The following CHRNB2 variants were observed in gnomAD, a reference collection of about 807,000 sequenced individuals.
CHRNB2 encodes the protein cholinergic receptor nicotinic beta 2 subunit.
CHRNB2 carries 33 observed loss-of-function variants against 42.7 expected under a neutral mutation model. That is an observed-to-expected ratio of 0.77 (90% CI 0.59 to 1.03). The LOEUF (loss-of-function observed/expected upper bound fraction) is 1.03, where lower values mean the gene tolerates loss of function less well. Ranked by LOEUF, CHRNB2 falls within the 50% of genes least tolerant of loss-of-function variation. The pLI is 0.00. For synonymous variants in CHRNB2, 325 were observed against 292.9 expected, an observed-to-expected ratio of 1.11 and a Z score of -1.12; for missense variants, 603 against 700.9, an observed-to-expected ratio of 0.86 and a Z score of 1.58.
chr1:154,573,155 G>A (rs1023326158), intron 5 of CHRNB2, among the ~76,000 whole-genome samples: 1 of 152,190 alleles, frequency 6.6e-6, no homozygotes, highest in African/African-American at 2.4e-5. Context: ...GGACCAGGGA[G>A]CATACACTAG....
In CHRNB2 at chr1:154,576,175, G is replaced by C. The variant is rs200573025; in HGVS notation, c.*243G>C. Reference sequence around the variant, plus strand: ...ATCTCTTGTACCAGCCCAGGCAATAGTGTTGAGGAGGGGAGCAAGGCTGCT... The same window carrying C: ...ATCTCTTGTACCAGCCCAGGCAATACTGTTGAGGAGGGGAGCAAGGCTGCT... On this transcript the variant is annotated 3_prime_UTR_variant, in exon 6 of 6. Transcript: ENST00000368476. 171 of 564,408 alleles carry C rather than the reference G, an allele frequency of 3.0e-4. No individual in the cohort carries two copies. Among genetic ancestry groups the C allele is most frequent in the African/African-American group, 3.0e-3 (161 of 53,476 alleles). 35.0% of individuals were successfully genotyped at this position (564,408 alleles called of 1,614,324 possible).
chr1:154,570,529 C>T (rs568993584), intron 4 of CHRNB2, among the ~76,000 whole-genome samples, 162 bp downstream of exon 4: 2 of 152,152 alleles, frequency 1.3e-5, no homozygotes, highest in African/African-American at 2.4e-5. Flanking sequence ...TGAGGTACAG[C>T]GTGGACAGCC....
Position 154,571,668 on chromosome 1 carries a change from T to C in CHRNB2, c.845T>C (p.Leu282Pro). Residue 282 changes from leucine to proline, a missense_variant, in exon 5 of 6, where the codon CTC (leucine) becomes CCC (proline). Leu to Pro is a moderately conservative substitution (Grantham distance 98). Around this residue, in one of 2 missense-constraint regions of CHRNB2, gnomAD observed 333 missense variants for 452.6 expected, o/e 0.74. Transcript: ENST00000368476. The surrounding 1 kb of genome is among the most constrained non-coding windows in gnomAD (Gnocchi z 6.8). ...CTGGCGCTCACGGTCTTCCTGCTGC[T>C]CATCTCCAAGATCGTGCCTCCCACC... ...VLLALTVFLL[L>P]ISKIVPPTSL... The C allele has an allele frequency of 6.2e-7, 1 of 1,614,192 alleles. No individual in the cohort carries two copies. Among genetic ancestry groups the C allele is most frequent in the Non-Finnish European group, 8.5e-7 (1 of 1,180,014 alleles).
Position 154,568,035 on chromosome 1 carries a change from T to C in CHRNB2, c.-10T>C. 3 of 1,585,134 alleles carry C rather than the reference T, an allele frequency of 1.9e-6. No homozygotes were observed. The highest frequency in any genetic ancestry group is 2.3e-5 in the East Asian group (1 of 43,392). On this transcript the variant is annotated 5_prime_UTR_variant, in exon 1 of 6. The change abolishes an upstream ATG in the 5' untranslated region. Coordinates refer to ENST00000368476, the MANE Select transcript of CHRNB2 (RefSeq NM_000748.3). Reference sequence around the variant, plus strand: ...CCGGTGTAGGCGAGGCAGCGAGCTATGCCCGCGGCATGGCCCGGCGCTGCG... The same window carrying C: ...CCGGTGTAGGCGAGGCAGCGAGCTACGCCCGCGGCATGGCCCGGCGCTGCG...
rs927150974 is a variant in CHRNB2 at position 154,576,116 on chromosome 1, G to C, written c.*184G>C. ...CCACACACAGCAGCTCCAACCTGGA[G>C]GCTGGACCAACTGCTTTGTTTTGGC... On this transcript the variant is annotated 3_prime_UTR_variant, in exon 6 of 6. Transcript: ENST00000368476. 9.9e-6 allele frequency: 7 copies of C among 707,182 alleles called. No homozygotes were observed. In the African/African-American group the frequency reaches 1.2e-4, roughly 12 times the overall value. The allele number at this position is 707,182 out of a possible 1,614,324, so 43.8% of individuals were successfully genotyped here.
In CHRNB2 at chr1:154,575,887, C is replaced by T. The variant is rs1422539177; in HGVS notation, c.1464C>T (p.Thr488=). ...FLQPLFQNYT[T]TTFLHSDHSA... is the part of the protein sequence containing the mutation. ...AGCCTCTCTTCCAGAACTACACCAC[C>T]ACCACCTTCCTCCACTCAGACCACT... The change falls in exon 6 of 6, where the codon ACC becomes ACT. Residue 488 remains threonine, a synonymous_variant. Transcript: ENST00000368476. 1.2e-6 allele frequency: 2 copies of T among 1,614,072 alleles called. No homozygotes were observed. Among genetic ancestry groups the T allele is most frequent in the Non-Finnish European group, 1.7e-6 (2 of 1,180,036 alleles).
rs764092894 is a variant in CHRNB2, at chr1:154,569,778, CTT to C, written c.211-13_211-12del. On this transcript the variant is annotated splice_polypyrimidine_tract_variant and intron_variant, in intron 2 of 5. Transcript: ENST00000368476. ...CTTAGGGGCCTTCTCGGCAGCCTCT[CTT>C]CCTCCCTGCAGCATGAGCGGGAGCA... The C allele has an allele frequency of 5.0e-6, 8 of 1,614,060 alleles. No individual in the cohort carries two copies. The highest frequency in any genetic ancestry group is 3.4e-6 in the Non-Finnish European group (4 of 1,180,026).
Position 154,575,757 on chromosome 1 carries a change from T to C in CHRNB2, c.1339-5T>C, listed in dbSNP as rs1571026314. 5 of 1,614,152 alleles carry C rather than the reference T, an allele frequency of 3.1e-6. No individual in the cohort carries two copies. The highest frequency in any genetic ancestry group is 2.5e-6 in the Non-Finnish European group (3 of 1,180,038). ...ACCTGGGCCTCCTCCGTCTCCTCCA[T>C]CCAGGTGAGTGAGGACTGGAAGTAC... On this transcript the variant is annotated splice_polypyrimidine_tract_variant and splice_region_variant and intron_variant, in intron 5 of 5. Coordinates refer to ENST00000368476, the MANE Select transcript of CHRNB2 (RefSeq NM_000748.3).
Position 154,579,589 on chromosome 1 carries a change from A to G in CHRNB2, c.*3657A>G, listed in dbSNP as rs775798087. 2 of 152,166 alleles carry G rather than the reference A, an allele frequency of 1.3e-5. No individual in the cohort carries two copies. The highest frequency in any genetic ancestry group is 6.5e-5 in the Admixed American group (1 of 15,278). The allele number at this position is 152,166 out of a possible 1,614,324, so 9.4% of individuals were successfully genotyped here. A position where few individuals can be genotyped will look rare whatever the true frequency, so the allele number is the denominator to read the frequency against. ...TCATACCATCCCTCCCCGCCCAACC[A>G]GTGCTGGCCAGACTCCCATTCACCG... On this transcript the variant is annotated 3_prime_UTR_variant, in exon 6 of 6. Coordinates refer to ENST00000368476, the MANE Select transcript of CHRNB2 (RefSeq NM_000748.3).
At chr1:154,569,014 C>T (rs1034929648) in intron 1 of CHRNB2, among the ~76,000 whole-genome samples, 1 of 151,612 alleles carries the variant, frequency 6.6e-6, no homozygotes, top group African/African-American at 2.4e-5. Context: ...ACCACACATA[C>T]ACTTTCTCCT....
chr1:154,573,484 C>T (rs1005877762), intron 5 of CHRNB2, among the ~76,000 whole-genome samples: 4 of 152,128 alleles, frequency 2.6e-5, no homozygotes, highest in African/African-American at 9.7e-5. Context: ...TGATCCTGTC[C>T]TTTCTCACCT....
At position 154,571,614 on chromosome 1, in the gene CHRNB2, A is replaced by G; in HGVS notation, c.791A>G (p.Glu264Gly). 2 of 1,614,198 alleles carry G rather than the reference A, an allele frequency of 1.2e-6. No homozygotes were observed. The highest frequency in any genetic ancestry group is 1.7e-6 in the Non-Finnish European group (2 of 1,180,024). Reference protein sequence around the residue: ...LVFYLPSDCGEKMTLCISVLL... With the variant: ...LVFYLPSDCGGKMTLCISVLL... ...TTCTACCTGCCATCCGACTGTGGCGAGAAGATGACGTTGTGCATCTCAGTG... is the reference window on the plus strand; with the variant it reads ...TTCTACCTGCCATCCGACTGTGGCGGGAAGATGACGTTGTGCATCTCAGTG... The change falls in exon 5 of 6, where the codon GAG (glutamate) becomes GGG (glycine). Residue 264 changes from glutamate (E) to glycine (G), a missense_variant. Glu to Gly is a moderately conservative substitution (Grantham distance 98). Coordinates refer to ENST00000368476, the MANE Select transcript of CHRNB2 (RefSeq NM_000748.3). The surrounding 1 kb of genome is among the most constrained non-coding windows in gnomAD (Gnocchi z 6.8).
chr1:154,571,987 G>T lies in CHRNB2; in HGVS notation c.1164G>T (p.Thr388=). The change falls in exon 5 of 6, where the codon ACG becomes ACT. Residue 388 remains threonine (T), a synonymous_variant. Transcript: ENST00000368476. The surrounding 1 kb of genome is among the most constrained non-coding windows in gnomAD (Gnocchi z 6.8). ...FREAPGADSC[T]CFVNRASVQG... ...AAGCCCCAGGGGCCGACTCCTGCAC[G>T]TGCTTCGTCAACCGCGCGTCGGTGC... 2.0e-6 allele frequency: 3 copies of T among 1,537,242 alleles called. No homozygotes were observed. Among genetic ancestry groups the T allele is most frequent in the Non-Finnish European group, 2.6e-6 (3 of 1,146,490 alleles).
Position 154,577,523 on chromosome 1 carries a change from C to T in CHRNB2, c.*1591C>T, listed in dbSNP as rs1696305034. The stretch of plus-strand genomic sequence containing the variant: ...GCCTATAAAACGTAGGTGGCAATGC[C>T]CTCTTCCTGAGGTTGCTGGGAGGAT... On this transcript the variant is annotated 3_prime_UTR_variant, in exon 6 of 6. Transcript: ENST00000368476. The T allele has an allele frequency of 1.3e-5, 2 of 152,226 alleles. No individual in the cohort carries two copies. The highest frequency in any genetic ancestry group is 1.3e-4 in the Admixed American group (2 of 15,266). 9.4% of individuals were successfully genotyped at this position (152,226 alleles called of 1,614,324 possible).
Position 154,571,393 on chromosome 1 carries a change from G to A in CHRNB2, c.570G>A (p.Glu190=). The change falls in exon 5 of 6, where the codon GAG becomes GAA. Residue 190 remains glutamate (E), a synonymous_variant. Transcript: ENST00000368476. The surrounding 1 kb of genome is among the most constrained non-coding windows in gnomAD (Gnocchi z 6.8). The stretch of plus-strand genomic sequence containing the variant: ...AGATCGACTTGGTGCTGAAGAGTGA[G>A]GTGGCCAGCCTGGACGACTTCACAC... ...RTEIDLVLKS[E]VASLDDFTPS... 1 of 1,614,210 alleles carries A rather than the reference G, an allele frequency of 6.2e-7. No individual in the cohort carries two copies. Among genetic ancestry groups the A allele is most frequent in the Non-Finnish European group, 8.5e-7 (1 of 1,180,046 alleles).
intron 5 of CHRNB2, among the ~76,000 whole-genome samples, chr1:154,572,524 A>AC (rs1422819493): frequency 1.3e-5 from 2 of 151,278 alleles, no homozygotes; most frequent in African/African-American, 4.9e-5. Flanking sequence ...GTCCCTCCCC[A>AC]CCCCCCGCTG....
In CHRNB2 at chr1:154,576,066, A is replaced by T. The variant is rs1320213469; in HGVS notation, c.*134A>T. 3.4e-6 allele frequency: 4 copies of T among 1,164,778 alleles called. No individual in the cohort carries two copies. The Admixed American group carries it at 7.3e-5, about 21-fold the overall frequency. The allele number at this position is 1,164,778 out of a possible 1,614,324, so 72.2% of individuals were successfully genotyped here. A position where few individuals can be genotyped will look rare whatever the true frequency, so the allele number is the denominator to read the frequency against. The stretch of plus-strand genomic sequence containing the variant: ...AGATCCATCCTTTTGCTTCATCTGG[A>T]GTCCCTCCTCCCCCACGCCTCCATC... On this transcript the variant is annotated 3_prime_UTR_variant, in exon 6 of 6. Coordinates refer to ENST00000368476, the MANE Select transcript of CHRNB2 (RefSeq NM_000748.3).
chr1:154,571,559 G>GTGC lies in CHRNB2; in HGVS notation c.738_740dup (p.Leu247dup). On this transcript the variant is annotated inframe_insertion, in exon 5 of 6. Transcript: ENST00000368476. The surrounding 1 kb of genome is among the most constrained non-coding windows in gnomAD (Gnocchi z 6.8). ...CACCATCAACCTCATCATCCCCTGTGTGCTCATCACCTCGCTAGCCATCCT... is the reference window on the plus strand; with the variant it reads ...CACCATCAACCTCATCATCCCCTGTGTGCTGCTCATCACCTCGCTAGCCATCCT... 6.2e-7 allele frequency: 1 copy of GTGC among 1,614,176 alleles called. No individual in the cohort carries two copies.
chr1:154,576,538 G>T lies in CHRNB2; in HGVS notation c.*606G>T. ...ACCCCTGGGGGAGGCTTCCAGCTCA[G>T]TCCCACAGCCCCTTGCTTCTAAGGG... On this transcript the variant is annotated 3_prime_UTR_variant, in exon 6 of 6. Coordinates refer to ENST00000368476, the MANE Select transcript of CHRNB2 (RefSeq NM_000748.3). 5.6e-6 allele frequency: 1 copy of T among 177,750 alleles called. No individual in the cohort carries two copies. Among genetic ancestry groups the T allele is most frequent in the South Asian group, 1.3e-4 (1 of 7,868 alleles). The allele number at this position is 177,750 out of a possible 1,614,324, so 11.0% of individuals were successfully genotyped here. A position where few individuals can be genotyped will look rare whatever the true frequency, so the allele number is the denominator to read the frequency against.
Sources: gnomAD v4.1 joint callset for allele counts (sites outside exome capture counted in the v4.1 genomes callset) on GRCh38, gnomAD v4.1.1 for gene constraint, gnomAD v4.1.1 regional missense constraint, Gnocchi (gnomAD v3.1) non-coding constraint, MANE v1.5 for transcripts, NCBI Gene and HGNC (gene_info 2026-07-23, HGNC 2026-07-21) for gene names.